Variants in PCM1 observed in about 807,000 individuals in gnomAD.
PCM1 encodes pericentriolar material 1, also known as pericentriolar material 1 protein.
In PCM1, 157 loss-of-function variants were observed where a neutral mutation model predicts 241.9. That is an observed-to-expected ratio of 0.65 (90% CI 0.57 to 0.74). The LOEUF is 0.74. PCM1 is among the 30% of genes least tolerant of loss of function. The probability of loss-of-function intolerance (pLI) is 0.00; values close to 1 mark genes in which losing one functional copy is unlikely to be tolerated. For synonymous variants in PCM1, 1,085 were observed against 784.9 expected (o/e 1.38, Z -6.39); for missense variants, 3,478 against 2,360.1 (o/e 1.47, Z -9.81).
chr8:17,963,387 C>G (rs1319341319), intron 17 of PCM1, 96 bp downstream of exon 17: 28 of 797,092 alleles, frequency 3.5e-5, no homozygotes, highest in South Asian at 6.0e-5. Flanking sequence ...CATCACAGCA[C>G]AAATCTGCTA....
Position 17,972,731 on chromosome 8 carries a change from G to A in PCM1, c.3943+44G>A, listed in dbSNP as rs533278078. 1.2e-5 allele frequency: 15 copies of A among 1,248,450 alleles called. No homozygotes were observed. The African/African-American group carries it at 1.2e-4, about 10-fold the overall frequency. 77.3% of individuals were successfully genotyped at this position (1,248,450 alleles called of 1,614,324 possible). ...TGAATGTTGATCAGTGTAAATTTTG[G>A]TAATCTTACTTTGACATGTTGACAT... is the stretch of plus-strand genomic sequence containing the variant. On this transcript the variant is annotated intron_variant, in intron 23 of 38. Transcript: ENST00000325083.
chr8:17,938,758 TC>T lies in PCM1; in HGVS notation c.364del (p.Gln122LysfsTer58). 6.2e-7 allele frequency: 1 copy of T among 1,611,558 alleles called. No homozygotes were observed. The highest frequency in any genetic ancestry group is 1.7e-5 in the Admixed American group (1 of 60,016). On this transcript the variant is annotated frameshift_variant, in exon 5 of 39. Coordinates refer to ENST00000325083, the MANE Select transcript of PCM1 (RefSeq NM_006197.4). LOFTEE classifies it high-confidence loss of function. ...DLDQRSIGSDSQGRATAANNK... is the reference protein window; with the variant it reads ...DLDQRSIGSDXQGRATAANNK... ...TATATAGAGAAGCATTGGAAGTGAT[TC>T]CCAAGGTAGAGCAACAGCTGCTAAC... is the stretch of plus-strand genomic sequence containing the variant.
chr8:18,016,860 G>A (rs564357890), intron 36 of PCM1, among the ~76,000 whole-genome samples: 30 of 152,300 alleles, frequency 2.0e-4, no homozygotes, highest in East Asian at 1.9e-3. Context: ...CCAGGACACC[G>A]AGGTCTGGCT....
At chr8:18,013,510 C>T (rs1366723904) in intron 34 of PCM1, among the ~76,000 whole-genome samples, 1 of 152,146 alleles carries the variant, frequency 6.6e-6, no homozygotes, top group African/African-American at 2.4e-5. Flanking sequence ...AAACAACTAC[C>T]ACCACCGTTT....
At chr8:17,946,317 A>G (rs7829522) in intron 6 of PCM1, among the ~76,000 whole-genome samples, 1 of 152,300 alleles carries the variant, frequency 6.6e-6, no homozygotes, top group East Asian at 1.9e-4. Context: ...CGAATATAAA[A>G]TTCGTTATTT....
In PCM1 at chr8:17,937,311, A is replaced by G. The variant is rs780512847; in HGVS notation, c.274A>G (p.Met92Val). The change falls in exon 4 of 39, where the codon ATG (methionine) becomes GTG (valine). Residue 92 changes from methionine to valine, a missense_variant. Coordinates refer to ENST00000325083, the MANE Select transcript of PCM1 (RefSeq NM_006197.4). ...CCCACACAGTAGATACATGAGTCAG[A>G]TGTCTGTCCCAGAGCAGGCAGAATT... ...TFPHSRYMSQ[M>V]SVPEQAELEK... The G allele has an allele frequency of 6.2e-7, 1 of 1,609,806 alleles. No individual in the cohort carries two copies. Among genetic ancestry groups the G allele is most frequent in the Admixed American group, 1.7e-5 (1 of 59,600 alleles).
Position 17,969,568 on chromosome 8 carries a change from AC to A in PCM1, c.3413-8del, listed in dbSNP as rs773394335. The A allele has an allele frequency of 6.4e-7, 1 of 1,562,674 alleles. No homozygotes were observed. Among genetic ancestry groups the A allele is most frequent in the Non-Finnish European group, 8.7e-7 (1 of 1,152,934 alleles). On this transcript the variant is annotated splice_polypyrimidine_tract_variant and splice_region_variant and intron_variant, in intron 21 of 38. Transcript: ENST00000325083. ...TATTTTTCTCTTACCCATTGCTTTTACTGATTAGGTATGAATTTCAGCCCTT... is the reference window on the plus strand; with the variant it reads ...TATTTTTCTCTTACCCATTGCTTTTATGATTAGGTATGAATTTCAGCCCTT...
chr8:17,975,249 C>G (rs542883208), intron 23 of PCM1, among the ~76,000 whole-genome samples: 10 of 152,088 alleles, frequency 6.6e-5, no homozygotes, highest in Non-Finnish European at 1.2e-4. Context: ...CTTTAACCTC[C>G]ACCTCCCGGG....
chr8:17,929,167 C>G (rs1353708838), intron 2 of PCM1, among the ~76,000 whole-genome samples: 2 of 152,118 alleles, frequency 1.3e-5, no homozygotes, highest in African/African-American at 2.4e-5. Context: ...AACCTTGTTG[C>G]TAAATCTAGG....
intron 36 of PCM1, among the ~76,000 whole-genome samples, chr8:18,016,513 C>G (rs967463837): frequency 2.6e-5 from 4 of 152,108 alleles, no homozygotes; most frequent in Admixed American, 2.6e-4. Context: ...AGAAGGGATC[C>G]TAAATGCCTT....
In PCM1 at chr8:17,953,049, C is replaced by G. The variant is rs1483629670; in HGVS notation, c.1151C>G (p.Ser384Ter). The stretch of plus-strand genomic sequence containing the variant: ...GAGGTTTCCCAGAGCAGGAAACCAT[C>G]AGCTTCAGAACGTTTACCTGATGAG... The part of the protein sequence containing the change: ...TREVSQSRKP[S>*]ASERLPDEKV... Residue 384 changes from serine to a stop codon, truncating the protein, a stop_gained, in exon 9 of 39, where the codon TCA (serine) becomes TGA (stop). Transcript: ENST00000325083. LOFTEE classifies it high-confidence loss of function. 3 of 1,607,282 alleles carry G rather than the reference C, an allele frequency of 1.9e-6. No homozygotes were observed. The highest frequency in any genetic ancestry group is 2.5e-6 in the Non-Finnish European group (3 of 1,176,502).
intron 7 of PCM1, 143 bp downstream of exon 7, chr8:17,947,506 G>A (rs1356102507): frequency 1.7e-6 from 1 of 605,578 alleles, no homozygotes; most frequent in Non-Finnish European, 2.8e-6. Flanking sequence ...ACTTTCCTGT[G>A]CTTTTCTCTG....
intron 36 of PCM1, chr8:18,025,133 CTTTT>C (rs58967642): frequency 4.8e-4 from 76 of 157,256 alleles, no homozygotes; most frequent in Middle Eastern, 5.4e-3. Flanking sequence ...GCCCCCCTGC[CTTTT>C]TTTTTTTTTT....
rs1275633813 is a variant in PCM1, at chr8:17,950,613, A to G, written c.962-2A>G. Reference sequence around the variant, plus strand: ...AATCAGTAGTTACTAATTTCTTTCCAGTTGTTGCAGAAACTGCAGGTAGCT... The same window carrying G: ...AATCAGTAGTTACTAATTTCTTTCCGGTTGTTGCAGAAACTGCAGGTAGCT... On this transcript the variant is annotated splice_acceptor_variant, in intron 7 of 38. Coordinates refer to ENST00000325083, the MANE Select transcript of PCM1 (RefSeq NM_006197.4). LOFTEE classifies it high-confidence loss of function. 5.9e-6 allele frequency: 9 copies of G among 1,522,720 alleles called. No homozygotes were observed. In the Admixed American group the frequency reaches 8.7e-5, roughly 15 times the overall value. The allele number at this position is 1,522,720 out of a possible 1,614,324, so 94.3% of individuals were successfully genotyped here. A position where few individuals can be genotyped will look rare whatever the true frequency, so the allele number is the denominator to read the frequency against.
rs760774321 is a variant in PCM1, at chr8:18,011,378, G to C, written c.5350+12G>C. ...TCCAGTGTCTATTAGTAAGTTTAAA[G>C]GCTCTGTACTATCTTTATACTTTAG... On this transcript the variant is annotated intron_variant, in intron 33 of 38. Coordinates refer to ENST00000325083, the MANE Select transcript of PCM1 (RefSeq NM_006197.4). 30 of 1,553,298 alleles carry C rather than the reference G, an allele frequency of 1.9e-5. No individual in the cohort carries two copies. The highest frequency in any genetic ancestry group is 2.5e-5 in the Non-Finnish European group (29 of 1,158,172).
intron 23 of PCM1, among the ~76,000 whole-genome samples, chr8:17,979,013 CTT>C (rs1400353414): frequency 1.3e-5 from 2 of 151,752 alleles, no homozygotes; most frequent in Non-Finnish European, 2.9e-5. Flanking sequence ...AATCCCAGCA[CTT>C]TGGGAGGGCG....
Position 18,029,592 on chromosome 8 carries a change from G to A in PCM1, c.*1930G>A, listed in dbSNP as rs561751005. ...CTTATCAAAATTGCTTATTTGACTG[G>A]TGTTACAGCTGCTATTAATCTAAGT... On this transcript the variant is annotated 3_prime_UTR_variant, in exon 39 of 39. Coordinates refer to ENST00000325083, the MANE Select transcript of PCM1 (RefSeq NM_006197.4). The A allele has an allele frequency of 1.9e-3, 381 of 205,088 alleles. 1 individual carries two copies. Among genetic ancestry groups the A allele is most frequent in the Non-Finnish European group, 2.6e-3 (255 of 99,962 alleles). The allele number at this position is 205,088 out of a possible 1,614,324, so 12.7% of individuals were successfully genotyped here.
At chr8:17,976,614 C>T (rs564551643) in intron 23 of PCM1, among the ~76,000 whole-genome samples, 10 of 152,298 alleles carry the variant, frequency 6.6e-5, no homozygotes, top group South Asian at 2.1e-4. Flanking sequence ...AACCTCTCTG[C>T]GCTCTTTGGA....
intron 38 of PCM1, 31 bp from the exon 39 acceptor site, chr8:18,027,606 A>G: frequency 6.6e-7 from 1 of 1,524,182 alleles, no homozygotes; most frequent in South Asian, 1.2e-5. Flanking sequence ...TCGATAAGTA[A>G]TTTATAAAGC....
Sources: allele counts gnomAD v4.1 joint callset (sites outside exome capture counted in the v4.1 genomes callset), GRCh38; gene constraint gnomAD v4.1.1; transcripts MANE v1.5; gene names NCBI Gene and HGNC (gene_info 2026-07-23, HGNC 2026-07-21).